Variants in PRKAR1B observed in about 807,000 individuals in gnomAD.
PRKAR1B encodes protein kinase cAMP-dependent type I regulatory subunit beta, also known as cAMP-dependent protein kinase type I-beta regulatory subunit.
A neutral mutation model predicts 46.5 loss-of-function variants in PRKAR1B; 22 were observed. The observed-to-expected ratio is 0.47, with a 90% CI of 0.34 to 0.68. The LOEUF (loss-of-function observed/expected upper bound fraction) is 0.68, where lower values mean the gene tolerates loss of function less well. Among genes scored for constraint, PRKAR1B ranks in the 30% least tolerant of loss-of-function variants. PRKAR1B has a pLI of 0.01. For missense variants in PRKAR1B, 445 were observed against 535.6 expected (o/e 0.83, Z 1.67); for synonymous variants, 259 against 217.7 (o/e 1.19, Z -1.67).
intron 4 of PRKAR1B, among the ~76,000 whole-genome samples, chr7:649,234 C>A (rs1293504859): frequency 6.6e-6 from 1 of 152,170 alleles, no homozygotes; most frequent in African/African-American, 2.4e-5. Flanking sequence ...CTTTTCTCCT[C>A]GAATGAGTAT....
chr7:645,303 G>C (rs1784569664), intron 4 of PRKAR1B, among the ~76,000 whole-genome samples: 1 of 152,132 alleles, frequency 6.6e-6, no homozygotes, highest in Admixed American at 6.5e-5. Flanking sequence ...TCTGAGCCAG[G>C]CTGCAATGCT....
intron 4 of PRKAR1B, among the ~76,000 whole-genome samples, chr7:635,902 G>C (rs185669063): frequency 7.3e-5 from 11 of 151,552 alleles, no homozygotes; most frequent in Non-Finnish European, 1.2e-4. Context: ...ACGGACAGCA[G>C]GTTCACGAAG....
chr7:554,854 A>G (rs1023679413), intron 9 of PRKAR1B, among the ~76,000 whole-genome samples: 9 of 152,074 alleles, frequency 5.9e-5, no homozygotes, highest in Non-Finnish European at 7.4e-5. Flanking sequence ...CACGGATCCC[A>G]CAGAGCCGGA....
At chr7:722,763 G>A (rs1781119097) in intron 1 of PRKAR1B, among the ~76,000 whole-genome samples, 1 of 152,252 alleles carries the variant, frequency 6.6e-6, no homozygotes, top group Admixed American at 6.5e-5. Context: ...CCATGTTCAG[G>A]TTGTGGCTTT....
At chr7:586,025 A>G (rs1471475574) in intron 7 of PRKAR1B, among the ~76,000 whole-genome samples, 2 of 152,094 alleles carry the variant, frequency 1.3e-5, no homozygotes, top group African/African-American at 2.4e-5. Flanking sequence ...GTTTCTGAAC[A>G]TGTCCCTCCC....
chr7:678,795 G>C (rs191681825), intron 3 of PRKAR1B, among the ~76,000 whole-genome samples: 1 of 152,244 alleles, frequency 6.6e-6, no homozygotes, highest in African/African-American at 2.4e-5. Context: ...TTTTAAAAAT[G>C]TAAGTGTTGG....
intron 7 of PRKAR1B, among the ~76,000 whole-genome samples, chr7:588,465 G>C (rs113368202): frequency 6.9e-6 from 1 of 145,418 alleles, no homozygotes; most frequent in African/African-American, 2.7e-5. Flanking sequence ...GGTGATGGTG[G>C]TGATGGTGAT....
chr7:719,431 A>T (rs1369418935), intron 1 of PRKAR1B, among the ~76,000 whole-genome samples: 2 of 152,156 alleles, frequency 1.3e-5, no homozygotes, highest in Non-Finnish European at 2.9e-5. Flanking sequence ...CTCCTGCCTC[A>T]GCCTCCCAAG....
At chr7:584,354 C>T (rs113906222) in intron 8 of PRKAR1B, among the ~76,000 whole-genome samples, 154 bp downstream of exon 8, 5,352 of 152,316 alleles carry the variant, frequency 0.035, 278 homozygotes, top group African/African-American at 0.11. Context: ...GTGCACGTGT[C>T]TGTGCGTGAG....
intron 4 of PRKAR1B, among the ~76,000 whole-genome samples, chr7:676,967 G>A (rs1173570334): frequency 6.0e-5 from 9 of 149,022 alleles, no homozygotes; most frequent in African/African-American, 2.0e-4. Flanking sequence ...GGGTGGTGGT[G>A]ACTCCCGGGC....
At chr7:665,000 G>A (rs1268421400) in intron 4 of PRKAR1B, among the ~76,000 whole-genome samples, 1 of 152,176 alleles carries the variant, frequency 6.6e-6, no homozygotes, top group East Asian at 1.9e-4. Flanking sequence ...TGGGGGAAGT[G>A]GTAAGAAAGA....
intron 9 of PRKAR1B, among the ~76,000 whole-genome samples, chr7:572,309 G>A (rs548475806): frequency 6.6e-6 from 1 of 152,198 alleles, no homozygotes; most frequent in African/African-American, 2.4e-5. Context: ...TGTGGGGATC[G>A]GGTGTCTGAG....
chr7:677,955 G>C (rs111913791), intron 3 of PRKAR1B, among the ~76,000 whole-genome samples: 49 of 152,202 alleles, frequency 3.2e-4, no homozygotes, highest in African/African-American at 9.9e-4. Flanking sequence ...GCAGCTGTAA[G>C]ACAATGCTAG....
rs145207447 is a variant in PRKAR1B at position 587,485 on chromosome 7, G to A, written c.709-2917C>T. 8.0e-3 allele frequency among the ~76,000 whole-genome samples: 1,219 copies of A among 152,316 alleles called. 16 individuals are homozygous for A. Among genetic ancestry groups the A allele is most frequent in the African/African-American group, 0.028 (1,147 of 41,574 alleles). ...TGAAGTGGGGGTCTGCCCTGGCCCC[G>A]CCTCCAGGGCCTGCGCCTACCCACT... On this transcript the variant is annotated intron_variant, in intron 7 of 10. Coordinates refer to ENST00000537384, the MANE Select transcript of PRKAR1B (RefSeq NM_001164760.2).
chr7:687,289 T>C (rs374127753), intron 2 of PRKAR1B, among the ~76,000 whole-genome samples: 4 of 152,098 alleles, frequency 2.6e-5, no homozygotes, highest in African/African-American at 7.2e-5. Context: ...ATGGAGTTAA[T>C]GGACATAGAC....
chr7:681,135 TCTC>T (rs1472388140), intron 2 of PRKAR1B, among the ~76,000 whole-genome samples: 4 of 151,994 alleles, frequency 2.6e-5, no homozygotes, highest in African/African-American at 9.6e-5. Context: ...ACTCAGCACT[TCTC>T]CTTCCTGCTG....
intron 6 of PRKAR1B, among the ~76,000 whole-genome samples, chr7:604,492 G>A (rs1042285294): frequency 2.6e-5 from 4 of 152,234 alleles, no homozygotes; most frequent in African/African-American, 7.2e-5. Context: ...CCAGCCCGTG[G>A]GTTCCGGCTC....
chr7:676,077 C>T (rs762373998), intron 4 of PRKAR1B, among the ~76,000 whole-genome samples: 61 of 152,016 alleles, frequency 4.0e-4, no homozygotes, highest in Admixed American at 2.2e-3. Flanking sequence ...GAGGACGCCC[C>T]GAGTATGGGA....
chr7:555,950 C>T (rs958224851), intron 9 of PRKAR1B, among the ~76,000 whole-genome samples: 1 of 152,222 alleles, frequency 6.6e-6, no homozygotes, highest in Non-Finnish European at 1.5e-5. Context: ...ACCAGATGCC[C>T]CCGCTCCGGG....
Sources: allele counts gnomAD v4.1 joint callset (sites outside exome capture counted in the v4.1 genomes callset), GRCh38; gene constraint gnomAD v4.1.1; transcripts MANE v1.5; gene names NCBI Gene and HGNC (gene_info 2026-07-23, HGNC 2026-07-21).